The following GNB5 variants were observed in gnomAD, a reference collection of about 807,000 sequenced individuals.
GNB5 encodes the protein G protein subunit beta 5, also known as guanine nucleotide-binding protein subunit beta-5.
A neutral mutation model predicts 55.3 loss-of-function variants in GNB5; 37 were observed. The observed-to-expected ratio is 0.67, with a 90% CI of 0.51 to 0.88. The LOEUF is 0.88. Among genes scored for constraint, GNB5 ranks in the 40% least tolerant of loss-of-function variants. The pLI, the probability that GNB5 is intolerant of heterozygous loss-of-function variation, is 0.00. For synonymous variants in GNB5, 219 were observed against 198.5 expected (o/e 1.10, Z -0.87); for missense variants, 476 against 515.3 (o/e 0.92, Z 0.74).
rs566186163 is a variant in GNB5 at position 52,121,805 on chromosome 15, C to T, written c.*952G>A. The T allele has an allele frequency of 4.6e-5, 7 of 152,086 alleles. No individual in the cohort carries two copies. Among genetic ancestry groups the T allele is most frequent in the South Asian group, 4.2e-4 (2 of 4,806 alleles). 9.4% of individuals were successfully genotyped at this position (152,086 alleles called of 1,614,324 possible). On this transcript the variant is annotated 3_prime_UTR_variant, in exon 13 of 13. Transcript: ENST00000261837. Reference sequence around the variant, plus strand: ...TTTTTTAGTAGAGACAGGGTTTCACCGTGGTCTCGAACTCCTGACCTCGTG... The same window carrying T: ...TTTTTTAGTAGAGACAGGGTTTCACTGTGGTCTCGAACTCCTGACCTCGTG...
At chr15:52,168,071 G>A (rs951749573) in intron 3 of GNB5, among the ~76,000 whole-genome samples, 5 of 152,172 alleles carry the variant, frequency 3.3e-5, no homozygotes, top group African/African-American at 1.2e-4. Flanking sequence ...AAAGCTGGAA[G>A]CATTCCCCTT....
chr15:52,190,138 G>T (rs559764802), intron 1 of GNB5, among the ~76,000 whole-genome samples: 11 of 130,614 alleles, frequency 8.4e-5, no homozygotes, highest in Non-Finnish European at 1.6e-4. Context: ...TTTTTTTTTA[G>T]ACAGAGTCTT....
rs182954489 is a variant in GNB5, at chr15:52,155,733, T to G, written c.239-1657A>C. Among the ~76,000 whole-genome samples, 490 of 152,262 alleles carry G rather than the reference T, an allele frequency of 3.2e-3. 2 individuals carry two copies. Among genetic ancestry groups the G allele is most frequent in the African/African-American group, 0.012 (479 of 41,530 alleles). On this transcript the variant is annotated intron_variant, in intron 3 of 12. Transcript: ENST00000261837. ...TGAGATTAGCTTGGGTAAAACACAT[T>G]TGGCAGGGACACAGAGATGGGGTGC... is the stretch of plus-strand genomic sequence containing the variant.
chr15:52,115,418 T>TC lies in GNB5; in HGVS notation c.*7338dup, dbSNP rs1442414444. ...TTATTCAACTCTCCTAACCTCAATCTCCCCATCTAAAAATGGGGCATCACG... is the reference window on the plus strand; with the variant it reads ...TTATTCAACTCTCCTAACCTCAATCTCCCCCATCTAAAAATGGGGCATCACG... On this transcript the variant is annotated 3_prime_UTR_variant, in exon 13 of 13. Coordinates refer to ENST00000261837, the MANE Select transcript of GNB5 (RefSeq NM_016194.4). The TC allele has an allele frequency of 1.3e-5, 2 of 152,058 alleles. No homozygotes were observed. Among genetic ancestry groups the TC allele is most frequent in the African/African-American group, 4.8e-5 (2 of 41,390 alleles). The allele number at this position is 152,058 out of a possible 1,614,324, so 9.4% of individuals were successfully genotyped here.
intron 6 of GNB5, 179 bp downstream of exon 6, chr15:52,147,280 A>G: frequency 1.9e-6 from 1 of 519,272 alleles, no homozygotes; most frequent in Non-Finnish European, 3.5e-6. Context: ...TGGGATTACA[A>G]GCAGGCACCA....
intron 7 of GNB5, among the ~76,000 whole-genome samples, chr15:52,136,242 C>T (rs1349136596): frequency 1.3e-5 from 2 of 151,084 alleles, no homozygotes; most frequent in Non-Finnish European, 2.9e-5. Context: ...GAGTGCATTT[C>T]CTACCCTCAC....
rs117879005 is a variant in GNB5 at position 52,152,357 on chromosome 15, C to T, written c.375+1583G>A. Among the ~76,000 whole-genome samples, 742 of 151,944 alleles carry T rather than the reference C, an allele frequency of 4.9e-3. 18 individuals are homozygous for T. The highest frequency in any genetic ancestry group is 0.025 in the East Asian group (128 of 5,172). ...TTTGGAGAAAAAAAAACAGTCTCGC[C>T]CTGTTGCCTAGGCTGGAGTGCAGTG... On this transcript the variant is annotated intron_variant, in intron 4 of 12. Coordinates refer to ENST00000261837, the MANE Select transcript of GNB5 (RefSeq NM_016194.4).
chr15:52,169,664 A>C (rs1596100115), intron 3 of GNB5, among the ~76,000 whole-genome samples: 1 of 152,020 alleles, frequency 6.6e-6, no homozygotes, highest in Admixed American at 6.5e-5. Context: ...TCATGGGCCA[A>C]AGATTTCATG....
At chr15:52,184,502 C>T in intron 2 of GNB5, 49 bp downstream of exon 2, 2 of 1,553,440 alleles carry the variant, frequency 1.3e-6, no homozygotes, top group South Asian at 2.2e-5. Flanking sequence ...AGGACCCTCG[C>T]TTGACTGTTT....
intron 3 of GNB5, among the ~76,000 whole-genome samples, chr15:52,168,155 A>G (rs1447557025): frequency 6.6e-6 from 1 of 152,242 alleles, no homozygotes; most frequent in Non-Finnish European, 1.5e-5. Flanking sequence ...GGCCAGGGCA[A>G]TCAGGCAAGA....
intron 3 of GNB5, among the ~76,000 whole-genome samples, chr15:52,155,602 T>C (rs114978469): frequency 0.016 from 2,473 of 152,338 alleles, 71 homozygotes; most frequent in African/African-American, 0.056. Context: ...TCCACGATCA[T>C]AGATTGCATT....
chr15:52,179,753 C>T lies in GNB5; in HGVS notation c.238+15G>A, dbSNP rs1026164977. On this transcript the variant is annotated intron_variant, in intron 3 of 12. Coordinates refer to ENST00000261837, the MANE Select transcript of GNB5 (RefSeq NM_016194.4). ...CGGTCCGGCTTGCCCCGCCCGCCTCCCGGCCCGCACTCACGCTCCACATCG... is the reference window on the plus strand; with the variant it reads ...CGGTCCGGCTTGCCCCGCCCGCCTCTCGGCCCGCACTCACGCTCCACATCG... 1.7e-5 allele frequency: 24 copies of T among 1,450,614 alleles called. No individual in the cohort carries two copies. Among genetic ancestry groups the T allele is most frequent in the Non-Finnish European group, 2.2e-5 (24 of 1,096,262 alleles). 89.9% of individuals were successfully genotyped at this position (1,450,614 alleles called of 1,614,324 possible).
chr15:52,151,004 G>A (rs1300327218), intron 4 of GNB5, among the ~76,000 whole-genome samples: 1 of 152,238 alleles, frequency 6.6e-6, no homozygotes. Context: ...TGACATAGCT[G>A]CTTGCTTTGC....
At chr15:52,137,735 G>T (rs2033758011) in intron 7 of GNB5, 2 of 1,192,658 alleles carry the variant, frequency 1.7e-6, no homozygotes, top group Non-Finnish European at 1.1e-6. Context: ...AGGACTCAGG[G>T]TTCGGGGCCC....
At position 52,133,487 on chromosome 15, in the gene GNB5, C is replaced by T; in HGVS notation, c.772-18G>A. 2.6e-6 allele frequency: 4 copies of T among 1,541,914 alleles called. No individual in the cohort carries two copies. Among genetic ancestry groups the T allele is most frequent in the Non-Finnish European group, 3.6e-6 (4 of 1,113,986 alleles). On this transcript the variant is annotated intron_variant, in intron 8 of 12. Transcript: ENST00000261837. ...TCACATCCCTACAAATGAAAATTAGCCAGAGTTATGGCCACTTTAAGGAAT... is the reference window on the plus strand; with the variant it reads ...TCACATCCCTACAAATGAAAATTAGTCAGAGTTATGGCCACTTTAAGGAAT...
At chr15:52,179,413 C>G (rs796769115) in intron 3 of GNB5, among the ~76,000 whole-genome samples, 3 of 152,170 alleles carry the variant, frequency 2.0e-5, no homozygotes, top group African/African-American at 7.2e-5. Flanking sequence ...CGCGCTCGCT[C>G]GTCACCACCG....
At chr15:52,150,622 C>T (rs1596078427) in intron 4 of GNB5, among the ~76,000 whole-genome samples, 1 of 152,366 alleles carries the variant, frequency 6.6e-6, no homozygotes, top group East Asian at 1.9e-4. Context: ...AAACAGCACT[C>T]CCTGCCAGGG....
intron 7 of GNB5, among the ~76,000 whole-genome samples, chr15:52,140,867 C>T (rs1166886172): frequency 2.0e-5 from 3 of 152,210 alleles, no homozygotes; most frequent in African/African-American, 4.8e-5. Flanking sequence ...CAGGGGGTTC[C>T]CTGCTCCACT....
At chr15:52,131,699 T>G (rs74015611) in intron 9 of GNB5, among the ~76,000 whole-genome samples, 2,277 of 152,312 alleles carry the variant, frequency 0.015, 52 homozygotes, top group African/African-American at 0.053. Flanking sequence ...TTATCCCACA[T>G]TTGAGGGCAA....
Sources: allele counts gnomAD v4.1 joint callset (sites outside exome capture counted in the v4.1 genomes callset), GRCh38; gene constraint gnomAD v4.1.1; transcripts MANE v1.5; gene names NCBI Gene and HGNC (gene_info 2026-07-23, HGNC 2026-07-21).